The following NUP58 variants were observed in gnomAD, a reference collection of about 807,000 sequenced individuals.
The protein encoded by NUP58 is nucleoporin 58.
In NUP58, 17 loss-of-function variants were observed where a neutral mutation model predicts 70.1. The ratio of observed to expected loss-of-function variants is 0.24; its 90% confidence interval spans 0.17 to 0.36. The LOEUF is 0.36. NUP58 is among the 10% of genes least tolerant of loss of function. NUP58 has a pLI of 1.00. For missense variants in NUP58, 644 were observed against 701.5 expected (o/e 0.92, Z 0.93); for synonymous variants, 275 against 257.6 (o/e 1.07, Z -0.65).
chr13:25,301,644 T>A lies in NUP58; in HGVS notation c.-130T>A. 2 of 470,512 alleles carry A rather than the reference T, an allele frequency of 4.3e-6. No homozygotes were observed. The highest frequency in any genetic ancestry group is 7.1e-5 in the East Asian group (2 of 28,084). The allele number at this position is 470,512 out of a possible 1,614,324, so 29.1% of individuals were successfully genotyped here. A position where few individuals can be genotyped will look rare whatever the true frequency, so the allele number is the denominator to read the frequency against. On this transcript the variant is annotated 5_prime_UTR_variant, in exon 1 of 16. It adds an upstream start codon to the 5' untranslated region. Transcript: ENST00000381736. ...CCCCTCAGCCTTGCCTTCGCCGCCG[T>A]TGGGGCTGGAAGTTCCCGCCAGGTC...
At chr13:25,326,005 A>G (rs898873773) in intron 10 of NUP58, among the ~76,000 whole-genome samples, 3 of 152,126 alleles carry the variant, frequency 2.0e-5, no homozygotes, top group African/African-American at 4.8e-5. Context: ...CTCACATTCT[A>G]TGTGTGTATA....
intron 13 of NUP58, chr13:25,334,022 ACTT>A: frequency 6.1e-6 from 6 of 984,992 alleles, no homozygotes; most frequent in African/African-American, 1.7e-5. Context: ...GACTTAAACG[ACTT>A]CTTTGTCCTC....
intron 7 of NUP58, 138 bp from the exon 8 acceptor site, chr13:25,320,392 T>C (rs2031129445): frequency 1.7e-6 from 1 of 577,966 alleles, no homozygotes; most frequent in Non-Finnish European, 3.1e-6. Flanking sequence ...ATAAAGAGCT[T>C]TGAAATCATC....
chr13:25,319,302 C>T lies in NUP58; in HGVS notation c.686-24C>T, dbSNP rs559693187. ...GTTGTTCAATTACCAATTTTTTTTA[C>T]GTGAAGCTTCTTGAATTTTCTAGGT... On this transcript the variant is annotated intron_variant, in intron 6 of 15. Coordinates refer to ENST00000381736, the MANE Select transcript of NUP58 (RefSeq NM_014089.4). 6.8e-6 allele frequency: 11 copies of T among 1,609,066 alleles called. No individual in the cohort carries two copies. In the African/African-American group the frequency reaches 8.0e-5, roughly 12 times the overall value.
Position 25,307,951 on chromosome 13 carries a change from G to A in NUP58, c.250+3G>A. ...CACTCTAGGAGGAACAAATACAGGTGAGGAGGATCTGATCACATTGTCAGA... is the reference window on the plus strand; with the variant it reads ...CACTCTAGGAGGAACAAATACAGGTAAGGAGGATCTGATCACATTGTCAGA... On this transcript the variant is annotated splice_donor_region_variant and intron_variant, in intron 2 of 15. Transcript: ENST00000381736. 6.2e-7 allele frequency: 1 copy of A among 1,613,758 alleles called. No homozygotes were observed.
intron 2 of NUP58, 96 bp downstream of exon 2, chr13:25,308,044 A>G (rs923529134): frequency 1.5e-6 from 2 of 1,370,850 alleles, no homozygotes; most frequent in South Asian, 1.5e-5. Flanking sequence ...CATCACTGGT[A>G]GTAGACCTTA....
In NUP58 at chr13:25,342,254, T is replaced by G. The variant is rs2031980009; in HGVS notation, c.*2120T>G. On this transcript the variant is annotated 3_prime_UTR_variant, in exon 16 of 16. Transcript: ENST00000381736. Reference sequence around the variant, plus strand: ...AAAATCTGAATATTTATATTTCTTGTTTTTTTCTTTATATGTTTTGCATTT... The same window carrying G: ...AAAATCTGAATATTTATATTTCTTGGTTTTTTCTTTATATGTTTTGCATTT... The G allele has an allele frequency of 6.6e-6, 1 of 152,618 alleles. No homozygotes were observed. Among genetic ancestry groups the G allele is most frequent in the South Asian group, 2.1e-4 (1 of 4,820 alleles). The allele number at this position is 152,618 out of a possible 1,614,324, so 9.5% of individuals were successfully genotyped here. A position where few individuals can be genotyped will look rare whatever the true frequency, so the allele number is the denominator to read the frequency against.
rs996819249 is a variant in NUP58 at position 25,307,904 on chromosome 13, G to A, written c.206G>A (p.Gly69Glu). The A allele has an allele frequency of 6.2e-7, 1 of 1,613,970 alleles. No homozygotes were observed. Among genetic ancestry groups the A allele is most frequent in the African/African-American group, 1.3e-5 (1 of 74,896 alleles). Residue 69 changes from glycine to glutamate, a missense_variant, in exon 2 of 16, where the codon GGA becomes GAA. Transcript: ENST00000381736. Reference sequence around the variant, plus strand: ...AGTGGTTTTGGAACCGGGCTCTTTGGATCTAAACCTGCCACTGGGTTCACT... The same window carrying A: ...AGTGGTTTTGGAACCGGGCTCTTTGAATCTAAACCTGCCACTGGGTTCACT... ...PSSGFGTGLF[G>E]SKPATGFTLG...
At position 25,341,178 on chromosome 13, in the gene NUP58, A is replaced by G. The variant is rs2031944489; in HGVS notation, c.*1044A>G. 1 of 152,280 alleles carries G rather than the reference A, an allele frequency of 6.6e-6. No individual in the cohort carries two copies. Among genetic ancestry groups the G allele is most frequent in the Non-Finnish European group, 1.5e-5 (1 of 68,030 alleles). The allele number at this position is 152,280 out of a possible 1,614,324, so 9.4% of individuals were successfully genotyped here. A position where few individuals can be genotyped will look rare whatever the true frequency, so the allele number is the denominator to read the frequency against. On this transcript the variant is annotated 3_prime_UTR_variant, in exon 16 of 16. Coordinates refer to ENST00000381736, the MANE Select transcript of NUP58 (RefSeq NM_014089.4). The stretch of plus-strand genomic sequence containing the variant: ...TCCATTTTTGTTTCCACCTTAACCT[A>G]TAGCAGCTCCTCCAAATGAGGAATG...
rs796547133 is a variant in NUP58 at position 25,310,206 on chromosome 13, ATTTTTTTTTTTTTT to A, written c.286+941_286+954del. 3.8e-4 allele frequency among the ~76,000 whole-genome samples: 18 copies of A among 47,498 alleles called. No individual in the cohort carries two copies. In the Admixed American group the frequency reaches 4.0e-3, roughly 11 times the overall value. The allele number at this position is 47,498 out of a possible 152,430, so 31.2% of individuals were successfully genotyped here. The stretch of plus-strand genomic sequence containing the variant: ...AGGCACATACCACAACCCTTGGCTA[ATTTTTTTTTTTTTT>A]TTTTTTTTTTTTTTTTAGAGACGGA... On this transcript the variant is annotated intron_variant, in intron 3 of 15. Coordinates refer to ENST00000381736, the MANE Select transcript of NUP58 (RefSeq NM_014089.4).
chr13:25,334,368 G>A (rs774898909), intron 13 of NUP58: 5 of 985,048 alleles, frequency 5.1e-6, no homozygotes, highest in Non-Finnish European at 4.8e-6. Context: ...TACATAATAA[G>A]ACTTTCTTAT....
At chr13:25,326,777 A>T (rs1217508191) in intron 10 of NUP58, 139 bp from the exon 11 acceptor site, 1 of 469,190 alleles carries the variant, frequency 2.1e-6, no homozygotes, top group East Asian at 3.3e-5. Flanking sequence ...TTCCAGTCAC[A>T]GTTATTCAGT....
chr13:25,344,893 G>A (rs977463865), downstream of NUP58, among the ~76,000 whole-genome samples: 2 of 152,102 alleles, frequency 1.3e-5, no homozygotes, highest in African/African-American at 4.8e-5. Flanking sequence ...TACCTTTTCT[G>A]TGAATAAGGC....
chr13:25,336,030 G>A (rs2031768705), intron 13 of NUP58: 4 of 1,167,896 alleles, frequency 3.4e-6, no homozygotes, highest in Non-Finnish European at 4.3e-6. Flanking sequence ...TGCTATTCTT[G>A]CCAAACAAAC....
At position 25,341,922 on chromosome 13, in the gene NUP58, G is replaced by A. The variant is rs960099382; in HGVS notation, c.*1788G>A. The A allele has an allele frequency of 6.6e-6, 1 of 152,208 alleles. No individual in the cohort carries two copies. The highest frequency in any genetic ancestry group is 6.5e-5 in the Admixed American group (1 of 15,282). 9.4% of individuals were successfully genotyped at this position (152,208 alleles called of 1,614,324 possible). A position where few individuals can be genotyped will look rare whatever the true frequency, so the allele number is the denominator to read the frequency against. On this transcript the variant is annotated 3_prime_UTR_variant, in exon 16 of 16. Transcript: ENST00000381736. ...TACACATATGCACACGTATGTGCATGTGCCACACATTTTTTGTATAATGTT... is the reference window on the plus strand; with the variant it reads ...TACACATATGCACACGTATGTGCATATGCCACACATTTTTTGTATAATGTT...
intron 13 of NUP58, 25 bp from the exon 14 acceptor site, chr13:25,336,911 C>G: frequency 8.7e-7 from 1 of 1,148,834 alleles, no homozygotes; most frequent in Non-Finnish European, 1.3e-6. Flanking sequence ...TTTTCCCCCC[C>G]ATTTTTTTTT....
At chr13:25,349,617 T>C (rs893046620) in exon 4 of NUP58, 1 of 152,546 alleles carries the variant, frequency 6.6e-6, no homozygotes, top group Non-Finnish European at 1.5e-5. Flanking sequence ...CAGAAACCAA[T>C]GAAATAGGAA....
intron 15 of NUP58, 30 bp from the exon 16 acceptor site, chr13:25,339,935 G>A: frequency 6.5e-7 from 1 of 1,530,596 alleles, no homozygotes; most frequent in Non-Finnish European, 8.8e-7. Context: ...TTCAACTTCT[G>A]ATATGAATAT....
intron 13 of NUP58, chr13:25,335,970 A>T (rs1593200309): frequency 1.8e-6 from 2 of 1,107,750 alleles, no homozygotes; most frequent in East Asian, 1.7e-4. Context: ...TATTCTGCTT[A>T]GTTTTAAAAA....
Sources: gnomAD v4.1 joint callset for allele counts (sites outside exome capture counted in the v4.1 genomes callset) on GRCh38, gnomAD v4.1.1 for gene constraint, MANE v1.5 for transcripts, NCBI Gene and HGNC (gene_info 2026-07-23, HGNC 2026-07-21) for gene names.